The following BPTF variants were observed in gnomAD, a reference collection of about 807,000 sequenced individuals.
BPTF encodes the protein nucleosome-remodeling factor subunit BPTF.
A neutral mutation model predicts 292.5 loss-of-function variants in BPTF; 18 were observed. The observed-to-expected ratio is 0.06, with a 90% CI of 0.04 to 0.09. The LOEUF (loss-of-function observed/expected upper bound fraction) is 0.09. BPTF is among the 10% of genes least tolerant of loss of function. The pLI is 1.00. For synonymous variants in BPTF, 1,225 were observed against 1,251.9 expected, an observed-to-expected ratio of 0.98 and a Z score of 0.45; for missense variants, 2,726 against 3,498.7, an observed-to-expected ratio of 0.78 and a Z score of 5.57.
At chr17:67,944,537 C>A in intron 20 of BPTF, 165 bp downstream of exon 20, 1 of 725,172 alleles carries the variant, frequency 1.4e-6, no homozygotes, top group Non-Finnish European at 2.2e-6. Flanking sequence ...AGCTTTTGTA[C>A]CCTATTCTTA....
At chr17:67,837,230 C>A (rs2057201168) in intron 1 of BPTF, among the ~76,000 whole-genome samples, 1 of 152,136 alleles carries the variant, frequency 6.6e-6, no homozygotes, top group Non-Finnish European at 1.5e-5. Context: ...CGTTTACAGA[C>A]AGTGCTGTCC....
At chr17:67,962,125 A>G (rs1174239715) in intron 24 of BPTF, among the ~76,000 whole-genome samples, 4 of 105,984 alleles carry the variant, frequency 3.8e-5, no homozygotes, top group Non-Finnish European at 9.5e-5. Flanking sequence ...CCTGGGCTAT[A>G]CAGCGAGACA....
chr17:67,970,825 T>C (rs932807999), intron 26 of BPTF, among the ~76,000 whole-genome samples: 6 of 152,216 alleles, frequency 3.9e-5, no homozygotes, highest in Non-Finnish European at 8.8e-5. Context: ...CCCCCATCAA[T>C]AGATTTTTTT....
At chr17:67,829,019 A>G (rs150241986) in intron 1 of BPTF, among the ~76,000 whole-genome samples, 279 of 152,320 alleles carry the variant, frequency 1.8e-3, no homozygotes, top group African/African-American at 6.5e-3. Flanking sequence ...GTAATAGATG[A>G]AGTTTTGATA....
chr17:67,912,915 T>G lies in BPTF; in HGVS notation c.5031T>G (p.Thr1677=), dbSNP rs199732667. 368 of 1,614,218 alleles carry G rather than the reference T, an allele frequency of 2.3e-4. 5 individuals are homozygous for G. In the East Asian group the frequency reaches 7.0e-3, roughly 31 times the overall value. Residue 1677 remains threonine (T), a synonymous_variant, in exon 11 of 28, where the codon ACT becomes ACG. Transcript: ENST00000306378. ...GAGGCACACTGGTTACATCTATGAC[T>G]GTGAGCAAAGAGTATTCCACACGAG... The part of the protein sequence containing the change: ...TTGGTLVTSM[T]VSKEYSTRDK...
intron 7 of BPTF, among the ~76,000 whole-genome samples, chr17:67,901,382 G>C (rs2061831201): frequency 6.6e-6 from 1 of 151,574 alleles, no homozygotes; most frequent in South Asian, 2.1e-4. Flanking sequence ...TGTTTTTGTT[G>C]TGATACTTTC....
rs570255351 is a variant in BPTF at position 67,839,462 on chromosome 17, T to C, written c.613+13125T>C. Among the ~76,000 whole-genome samples the C allele has an allele frequency of 6.6e-4, 101 of 152,388 alleles. 1 individual carries two copies. Among genetic ancestry groups the C allele is most frequent in the South Asian group, 4.1e-3 (20 of 4,832 alleles). On this transcript the variant is annotated intron_variant, in intron 1 of 27. Coordinates refer to ENST00000306378, the MANE Select transcript of BPTF (RefSeq NM_182641.4). ...TGTGGTGTATATTCATAGAATTATA[T>C]TAGATCTTATAATATTGATCCACCC...
At chr17:67,935,916 A>G (rs2064874235) in intron 18 of BPTF, among the ~76,000 whole-genome samples, 2 of 152,236 alleles carry the variant, frequency 1.3e-5, no homozygotes, top group Admixed American at 6.5e-5. Flanking sequence ...CTTACTATAC[A>G]TACTTAGGAC....
intron 3 of BPTF, among the ~76,000 whole-genome samples, chr17:67,867,440 T>TA (rs1303993514): frequency 1.3e-5 from 2 of 152,240 alleles, no homozygotes; most frequent in South Asian, 4.1e-4. Context: ...CCCCTGTTAT[T>TA]AAAGTCTTAG....
At chr17:67,903,701 T>C in intron 7 of BPTF, 88 bp from the exon 8 acceptor site, 1 of 1,269,838 alleles carries the variant, frequency 7.9e-7, no homozygotes, top group Non-Finnish European at 1.1e-6. Flanking sequence ...ACAGTCTGCT[T>C]TGTTTTCCTA....
At chr17:67,881,307 T>C (rs1376099498) in intron 4 of BPTF, among the ~76,000 whole-genome samples, 4 of 152,104 alleles carry the variant, frequency 2.6e-5, no homozygotes, top group Admixed American at 2.6e-4. Context: ...CAGTTTCAAC[T>C]GTCTTTGGCA....
At chr17:67,867,563 C>T in intron 3 of BPTF, among the ~76,000 whole-genome samples, 1 of 152,130 alleles carries the variant, frequency 6.6e-6, no homozygotes. Flanking sequence ...CCTTTTTCTG[C>T]CTCATGATCC....
At chr17:67,926,247 G>A (rs562606997) in intron 15 of BPTF, among the ~76,000 whole-genome samples, 6 of 149,830 alleles carry the variant, frequency 4.0e-5, no homozygotes, top group Admixed American at 3.3e-4. Context: ...GAGCTCAAGC[G>A]ATCTGCCTAC....
chr17:67,936,109 T>C (rs2064893609), intron 18 of BPTF, among the ~76,000 whole-genome samples: 1 of 152,198 alleles, frequency 6.6e-6, no homozygotes. Flanking sequence ...TTTCTTACTA[T>C]AAAACATGGT....
At chr17:67,973,040 TATATATATATATTTTATATATATATAA>T (rs1306482419) in intron 26 of BPTF, among the ~76,000 whole-genome samples, 2 of 143,840 alleles carry the variant, frequency 1.4e-5, no homozygotes, top group African/African-American at 2.6e-5. Context: ...TATATATTTA[TATATATATATATTTTATATATATATAA>T]ATATATATAT....
At chr17:67,929,590 AT>A (rs2147464966) in intron 17 of BPTF, 103 bp downstream of exon 17, 1 of 1,350,806 alleles carries the variant, frequency 7.4e-7, no homozygotes, top group Admixed American at 2.5e-5. Context: ...TCCTTTGCCT[AT>A]TACTGAATCT....
chr17:67,851,717 T>C (rs905306237), intron 1 of BPTF, among the ~76,000 whole-genome samples: 6 of 152,176 alleles, frequency 3.9e-5, no homozygotes, highest in African/African-American at 9.7e-5. Flanking sequence ...ACCTTAAACT[T>C]GACAATCCTG....
intron 20 of BPTF, among the ~76,000 whole-genome samples, chr17:67,944,819 G>A (rs535996180): frequency 6.6e-6 from 1 of 152,098 alleles, no homozygotes; most frequent in African/African-American, 2.4e-5. Flanking sequence ...AAAGTGAAGC[G>A]TGGCAATTAG....
intron 23 of BPTF, among the ~76,000 whole-genome samples, chr17:67,955,070 A>G (rs1326019139): frequency 6.6e-6 from 1 of 151,934 alleles, no homozygotes; most frequent in Non-Finnish European, 1.5e-5. Flanking sequence ...CGGGCGGATC[A>G]CGAGGTCAGG....
Sources: allele counts gnomAD v4.1 joint callset (sites outside exome capture counted in the v4.1 genomes callset), GRCh38; gene constraint gnomAD v4.1.1; transcripts MANE v1.5; gene names NCBI Gene and HGNC (gene_info 2026-07-23, HGNC 2026-07-21).